WDR19: variants seen among roughly 807,000 people sequenced by gnomAD.
WDR19 encodes WD repeat domain 19, also known as WD repeat-containing protein 19.
A neutral mutation model predicts 180.0 loss-of-function variants in WDR19; 121 were observed. That is an observed-to-expected ratio of 0.67 (90% confidence interval 0.58 to 0.78). The LOEUF is 0.78. Ranked by LOEUF, WDR19 falls within the 30% of genes least tolerant of loss-of-function variation. The probability of loss-of-function intolerance (pLI) is 0.00; values close to 1 mark genes in which losing one functional copy is unlikely to be tolerated. For missense variants in WDR19, 1,450 were observed against 1,640.7 expected (o/e 0.88, Z 2.01); for synonymous variants, 497 against 540.7 (o/e 0.92, Z 1.12).
At chr4:39,266,172 C>T (rs771660840) in intron 29 of WDR19, 32 bp downstream of exon 29, 28 of 1,507,416 alleles carry the variant, frequency 1.9e-5, no homozygotes, top group South Asian at 1.5e-4. Context: ...TGTGCATCCT[C>T]AGGTCTCAGT....
At chr4:39,188,485 C>T (rs1354235974) in intron 3 of WDR19, among the ~76,000 whole-genome samples, 2 of 151,836 alleles carry the variant, frequency 1.3e-5, no homozygotes, top group Non-Finnish European at 2.9e-5. Flanking sequence ...GAGACTGAGG[C>T]AGAGGATCGC....
chr4:39,184,266 C>T (rs968229055), intron 1 of WDR19, among the ~76,000 whole-genome samples: 11 of 151,680 alleles, frequency 7.3e-5, no homozygotes, highest in East Asian at 2.0e-4. Flanking sequence ...TAAAATTAGC[C>T]GGGCGTGGTA....
intron 36 of WDR19, among the ~76,000 whole-genome samples, chr4:39,279,860 G>A (rs1054993647): frequency 6.3e-4 from 95 of 151,986 alleles, no homozygotes; most frequent in Middle Eastern, 3.4e-3. Context: ...GTGCCACCAC[G>A]CTCGGCTAAC....
chr4:39,215,086 A>G (rs1728928416), intron 10 of WDR19, among the ~76,000 whole-genome samples: 1 of 152,136 alleles, frequency 6.6e-6, no homozygotes, highest in Admixed American at 6.5e-5. Flanking sequence ...AATAAATTTT[A>G]ATACTCTTCA....
chr4:39,276,841 T>C (rs928623854), intron 33 of WDR19, 179 bp from the exon 34 acceptor site: 11 of 697,234 alleles, frequency 1.6e-5, no homozygotes, highest in Non-Finnish European at 2.6e-5. Context: ...TAGGTACTCT[T>C]CCTCCTCCCT....
In WDR19 at chr4:39,203,662, T is replaced by G; in HGVS notation, c.543T>G (p.Pro181=). ...TTTAGACACAAGTGAGATCAGAGCCTAGCAACATGCAGTTTTTCTTGATGA... is the reference window on the plus strand; with the variant it reads ...TTTAGACACAAGTGAGATCAGAGCCGAGCAACATGCAGTTTTTCTTGATGA... ...TIRQTQVRSE[P]SNMQFFLMKM... The change falls in exon 7 of 37, where the codon CCT becomes CCG. Residue 181 remains proline, a synonymous_variant. Transcript: ENST00000399820. 4 of 1,612,892 alleles carry G rather than the reference T, an allele frequency of 2.5e-6. No individual in the cohort carries two copies. The highest frequency in any genetic ancestry group is 3.4e-6 in the Non-Finnish European group (4 of 1,179,486).
intron 28 of WDR19, among the ~76,000 whole-genome samples, chr4:39,262,333 C>T (rs1231517534): frequency 2.0e-5 from 3 of 152,176 alleles, no homozygotes; most frequent in Non-Finnish European, 4.4e-5. Context: ...CAGCCTCGAC[C>T]TCCTGGGTTC....
At chr4:39,183,249 G>GTTTTTTTTTTTTTTTTTTTTTT (rs1345010491) in intron 1 of WDR19, among the ~76,000 whole-genome samples, 2 of 22,718 alleles carry the variant, frequency 8.8e-5, no homozygotes, top group Non-Finnish European at 2.0e-4. Context: ...GAAATGGAAG[G>GTTTTTTTTTTTTTTTTTTTTTT]CTTTTTTTTT....
intron 14 of WDR19, among the ~76,000 whole-genome samples, chr4:39,222,117 C>T (rs773165613): frequency 1.3e-5 from 2 of 152,174 alleles, no homozygotes; most frequent in Non-Finnish European, 2.9e-5. Context: ...ATTTTAGCCA[C>T]TCTAATAGAT....
In WDR19 at chr4:39,265,992, A is replaced by G. The variant is rs1376497167; in HGVS notation, c.3184-71A>G. The stretch of plus-strand genomic sequence containing the variant: ...TTTATTCCATCTCCCTAAGCAGAAG[A>G]TTGTCTTTTTCTCCACTCTTGCTCG... On this transcript the variant is annotated intron_variant, in intron 28 of 36. Coordinates refer to ENST00000399820, the MANE Select transcript of WDR19 (RefSeq NM_025132.4). 4 of 1,282,984 alleles carry G rather than the reference A, an allele frequency of 3.1e-6. No individual in the cohort carries two copies. In the Admixed American group the frequency reaches 5.9e-5, roughly 19 times the overall value. The allele number at this position is 1,282,984 out of a possible 1,614,324, so 79.5% of individuals were successfully genotyped here. A position where few individuals can be genotyped will look rare whatever the true frequency, so the allele number is the denominator to read the frequency against.
chr4:39,219,253 C>T (rs1387125380), intron 14 of WDR19: 1 of 152,162 alleles, frequency 6.6e-6, no homozygotes, highest in Non-Finnish European at 1.5e-5. Context: ...ACTGGCAGCA[C>T]ACGAGGTTTG....
At chr4:39,251,596 T>A (rs889925048) in intron 24 of WDR19, among the ~76,000 whole-genome samples, 1 of 151,880 alleles carries the variant, frequency 6.6e-6, no homozygotes, top group African/African-American at 2.4e-5. Flanking sequence ...GGGAGAAAAT[T>A]TTTGCAACCT....
chr4:39,269,933 T>C, intron 30 of WDR19, 43 bp from the exon 31 acceptor site: 2 of 1,608,326 alleles, frequency 1.2e-6, no homozygotes, highest in Non-Finnish European at 1.7e-6. Context: ...TGTCCTCAGA[T>C]GTCACCCTTT....
intron 5 of WDR19, among the ~76,000 whole-genome samples, chr4:39,196,214 A>G (rs796387211): frequency 1.4e-4 from 21 of 152,174 alleles, no homozygotes; most frequent in African/African-American, 4.6e-4. Context: ...TCTTCTCTGA[A>G]TATTTCCTTC....
At chr4:39,247,098 C>T (rs1436410764) in intron 24 of WDR19, among the ~76,000 whole-genome samples, 1 of 151,508 alleles carries the variant, frequency 6.6e-6, no homozygotes, top group Admixed American at 6.6e-5. Flanking sequence ...CTGGGAGGCA[C>T]CCCCCAGTAG....
chr4:39,278,270 C>T, intron 35 of WDR19, 63 bp downstream of exon 35: 1 of 1,414,930 alleles, frequency 7.1e-7, no homozygotes, highest in Non-Finnish European at 9.6e-7. Flanking sequence ...TTCATTCTAC[C>T]TCTTTTCTTC....
intron 33 of WDR19, among the ~76,000 whole-genome samples, chr4:39,275,668 C>A (rs1220098965): frequency 6.6e-6 from 1 of 152,202 alleles, no homozygotes; most frequent in East Asian, 1.9e-4. Context: ...GTACCATCCT[C>A]AGGACCTTCA....
chr4:39,230,320 A>G (rs1730707731), intron 17 of WDR19, among the ~76,000 whole-genome samples: 1 of 152,096 alleles, frequency 6.6e-6, no homozygotes, highest in South Asian at 2.1e-4. Flanking sequence ...CCCATCAGCG[A>G]TAAGTGGAGC....
At position 39,240,326 on chromosome 4, in the gene WDR19, G is replaced by T; in HGVS notation, c.2413G>T (p.Asp805Tyr). 2 of 1,433,910 alleles carry T rather than the reference G, an allele frequency of 1.4e-6. No individual in the cohort carries two copies. Among genetic ancestry groups the T allele is most frequent in the South Asian group, 1.7e-5 (1 of 59,714 alleles). 88.8% of individuals were successfully genotyped at this position (1,433,910 alleles called of 1,614,324 possible). The change falls in exon 21 of 37, where the codon GAT becomes TAT. Residue 805 changes from aspartate (D) to tyrosine (Y), a missense_variant. Coordinates refer to ENST00000399820, the MANE Select transcript of WDR19 (RefSeq NM_025132.4). Reference sequence around the variant, plus strand: ...TCATTATGAGAAAGGAATAACAGGTGATAATAAGGTAACCTTGGATAAAGA... The same window carrying T: ...TCATTATGAGAAAGGAATAACAGGTTATAATAAGGTAACCTTGGATAAAGA... ...LAHYEKGITG[D>Y]NKEHDEACLA...
Sources: allele counts gnomAD v4.1 joint callset (sites outside exome capture counted in the v4.1 genomes callset), GRCh38; gene constraint gnomAD v4.1.1; transcripts MANE v1.5; gene names NCBI Gene and HGNC (gene_info 2026-07-23, HGNC 2026-07-21).